Variants in ARFGEF3 observed in about 807,000 individuals in gnomAD.
ARFGEF3 encodes the protein brefeldin A-inhibited guanine nucleotide-exchange protein 3.
Under a neutral mutation model 221.7 loss-of-function variants are expected in ARFGEF3, and 96 were observed. That is an observed-to-expected ratio of 0.43 (90% CI 0.37 to 0.51). The LOEUF is 0.51. Ranked by LOEUF, ARFGEF3 falls within the 20% of genes least tolerant of loss-of-function variation. ARFGEF3 has a pLI of 0.00. For synonymous variants in ARFGEF3, 1,145 were observed against 1,126.8 expected (o/e 1.02, Z -0.32); for missense variants, 2,410 against 2,789.9 (o/e 0.86, Z 3.07).
At chr6:138,249,388 G>A (rs1373497441) in intron 8 of ARFGEF3, among the ~76,000 whole-genome samples, 2 of 152,202 alleles carry the variant, frequency 1.3e-5, no homozygotes, top group East Asian at 3.9e-4. Context: ...GGAGTGCAGA[G>A]GCGTGATCTG....
At chr6:138,179,095 CT>C (rs2114445222) in intron 2 of ARFGEF3, among the ~76,000 whole-genome samples, 1 of 152,352 alleles carries the variant, frequency 6.6e-6, no homozygotes, top group South Asian at 2.1e-4. Context: ...GGCATACTGC[CT>C]GTCCTACCTC....
At chr6:138,312,225 T>C (rs547804604) in intron 25 of ARFGEF3, among the ~76,000 whole-genome samples, 6 of 152,234 alleles carry the variant, frequency 3.9e-5, no homozygotes, top group African/African-American at 1.4e-4. Context: ...GTGACCATCG[T>C]TGGGTCCATC....
intron 31 of ARFGEF3, among the ~76,000 whole-genome samples, chr6:138,327,808 C>T (rs1405748127): frequency 1.3e-5 from 2 of 152,152 alleles, no homozygotes; most frequent in Non-Finnish European, 2.9e-5. Context: ...TTAGTGTCAA[C>T]GGCTAACCCT....
intron 2 of ARFGEF3, among the ~76,000 whole-genome samples, chr6:138,181,360 CTG>C (rs1777076773): frequency 6.6e-6 from 1 of 152,188 alleles, no homozygotes; most frequent in Non-Finnish European, 1.5e-5. Flanking sequence ...CTTTATAACT[CTG>C]GGCTTTAAAC....
chr6:138,294,932 A>G (rs533588946), intron 20 of ARFGEF3, among the ~76,000 whole-genome samples: 1 of 152,158 alleles, frequency 6.6e-6, no homozygotes, highest in Non-Finnish European at 1.5e-5. Context: ...TAAGTGTAGT[A>G]TATTTGATTT....
At position 138,266,848 on chromosome 6, in the gene ARFGEF3, C is replaced by CAA. The variant is rs55638606; in HGVS notation, c.2128+3253_2128+3254dup. On this transcript the variant is annotated intron_variant, in intron 12 of 33. Transcript: ENST00000251691. Reference sequence around the variant, plus strand: ...TTGGTGACAGAGCAAGACTCCATCTCAAAAAAAAAAAAAAAAAGATGTGCA... The same window carrying CAA: ...TTGGTGACAGAGCAAGACTCCATCTCAAAAAAAAAAAAAAAAAAAGATGTGCA... 1.0e-4 allele frequency among the ~76,000 whole-genome samples: 8 copies of CAA among 77,410 alleles called. 1 individual carries two copies. The highest frequency in any genetic ancestry group is 1.6e-4 in the Admixed American group (1 of 6,110). 50.8% of individuals were successfully genotyped at this position (77,410 alleles called of 152,430 possible). A position where few individuals can be genotyped will look rare whatever the true frequency, so the allele number is the denominator to read the frequency against.
At chr6:138,259,486 C>T (rs1285673733) in intron 10 of ARFGEF3, among the ~76,000 whole-genome samples, 5 of 152,136 alleles carry the variant, frequency 3.3e-5, no homozygotes, top group Non-Finnish European at 7.3e-5. Flanking sequence ...AGACCTCTGG[C>T]CCCCCAGCCA....
Position 138,287,154 on chromosome 6 carries a change from G to T in ARFGEF3, c.2866G>T (p.Ala956Ser). Residue 956 changes from alanine to serine, a missense_variant, in exon 17 of 34, where the codon GCC becomes TCC. Coordinates refer to ENST00000251691, the MANE Select transcript of ARFGEF3 (RefSeq NM_020340.5). ...CCAAGAAGAAAAAGAAGAGAGGGAGGCCCAAGAACCCAGTGATGCCATCAC... is the reference window on the plus strand; with the variant it reads ...CCAAGAAGAAAAAGAAGAGAGGGAGTCCCAAGAACCCAGTGATGCCATCAC... ...CVQEEKEERE[A>S]QEPSDAITQV... 1.3e-6 allele frequency: 2 copies of T among 1,569,498 alleles called. No individual in the cohort carries two copies. Among genetic ancestry groups the T allele is most frequent in the Non-Finnish European group, 1.7e-6 (2 of 1,156,976 alleles).
chr6:138,297,790 T>C (rs1457443438), intron 21 of ARFGEF3, among the ~76,000 whole-genome samples: 1 of 152,156 alleles, frequency 6.6e-6, no homozygotes, highest in Non-Finnish European at 1.5e-5. Context: ...AAATTTGAGG[T>C]AGGCTTCTCT....
Position 138,311,355 on chromosome 6 carries a change from G to A in ARFGEF3, c.4097-52G>A. On this transcript the variant is annotated intron_variant, in intron 24 of 33. Transcript: ENST00000251691. ...TGAGTAAACAGGTCTCCTGTTACAG[G>A]GGGGCACGCAAGGGTAACACTGTTG... The A allele has an allele frequency of 2.6e-6, 3 of 1,147,822 alleles. No homozygotes were observed. In the Admixed American group the frequency reaches 6.1e-5, roughly 23 times the overall value. The allele number at this position is 1,147,822 out of a possible 1,614,324, so 71.1% of individuals were successfully genotyped here.
chr6:138,200,236 A>G (rs1263845960), intron 2 of ARFGEF3, among the ~76,000 whole-genome samples: 6 of 152,176 alleles, frequency 3.9e-5, no homozygotes, highest in Non-Finnish European at 1.5e-5. Flanking sequence ...CCACTTGATC[A>G]TGACCATGCT....
intron 22 of ARFGEF3, among the ~76,000 whole-genome samples, chr6:138,303,933 C>A (rs1779673621): frequency 6.9e-6 from 1 of 144,958 alleles, no homozygotes; most frequent in Non-Finnish European, 1.5e-5. Flanking sequence ...GACATTGGAA[C>A]CTTCATGCCC....
intron 4 of ARFGEF3, among the ~76,000 whole-genome samples, chr6:138,228,586 C>G (rs1166473403): frequency 6.6e-6 from 1 of 152,036 alleles, no homozygotes; most frequent in East Asian, 1.9e-4. Flanking sequence ...ACCCTTGTGA[C>G]TAAATATGGC....
At position 138,336,464 on chromosome 6, in the gene ARFGEF3, G is replaced by C; in HGVS notation, c.6512G>C (p.Arg2171Pro). 1 of 1,609,958 alleles carries C rather than the reference G, an allele frequency of 6.2e-7. No homozygotes were observed. The highest frequency in any genetic ancestry group is 8.5e-7 in the Non-Finnish European group (1 of 1,178,100). ...AGGGAGTGGCTGGGCAGGGTGGGCC[G>C]TGTCTATGACATCATTGTGTAGCCG... The part of the protein sequence containing the change: ...AVREWLGRVG[R>P]VYDIIV The change falls in exon 34 of 34, where the codon CGT becomes CCT. Residue 2171 changes from arginine (R) to proline (P), a missense_variant. Around this residue, in one of 5 missense-constraint regions of ARFGEF3, gnomAD observed 339 missense variants for 334.9 expected, o/e 1.01. Transcript: ENST00000251691.
intron 32 of ARFGEF3, among the ~76,000 whole-genome samples, chr6:138,329,450 G>A (rs1780181814): frequency 6.6e-6 from 1 of 152,190 alleles, no homozygotes; most frequent in South Asian, 2.1e-4. Context: ...GATCACCTGA[G>A]GTCAGGAGTT....
chr6:138,281,037 C>T (rs1207555435), intron 14 of ARFGEF3, among the ~76,000 whole-genome samples: 1 of 152,024 alleles, frequency 6.6e-6, no homozygotes, highest in Non-Finnish European at 1.5e-5. Flanking sequence ...ATATGCCCGC[C>T]ATAGTAAACT....
intron 10 of ARFGEF3, 70 bp downstream of exon 10, chr6:138,255,839 G>A (rs924974859): frequency 3.9e-6 from 5 of 1,295,770 alleles, no homozygotes; most frequent in South Asian, 3.1e-5. Flanking sequence ...TACAAGAAGC[G>A]CTCAGAAAAG....
chr6:138,236,611 C>T (rs1439837808), intron 5 of ARFGEF3, among the ~76,000 whole-genome samples: 1 of 152,078 alleles, frequency 6.6e-6, no homozygotes, highest in African/African-American at 2.4e-5. Flanking sequence ...GGACTATAGG[C>T]GTGCACCACC....
chr6:138,314,787 T>A (rs1779890742), intron 26 of ARFGEF3, among the ~76,000 whole-genome samples: 1 of 152,216 alleles, frequency 6.6e-6, no homozygotes, highest in Non-Finnish European at 1.5e-5. Flanking sequence ...GCACTTGCCA[T>A]GAACATGTGA....
Sources: gnomAD v4.1 joint callset for allele counts (sites outside exome capture counted in the v4.1 genomes callset) on GRCh38, gnomAD v4.1.1 for gene constraint, gnomAD v4.1.1 regional missense constraint, MANE v1.5 for transcripts, NCBI Gene and HGNC (gene_info 2026-07-23, HGNC 2026-07-21) for gene names.